The following RALGDS variants were observed in gnomAD, a reference collection of about 807,000 sequenced individuals.
The protein encoded by RALGDS is ral guanine nucleotide dissociation stimulator.
A neutral mutation model predicts 99.8 loss-of-function variants in RALGDS; 44 were observed. That is an observed-to-expected ratio of 0.44 (90% CI 0.35 to 0.57). The LOEUF (loss-of-function observed/expected upper bound fraction) is 0.57. Among genes scored for constraint, RALGDS ranks in the 20% least tolerant of loss-of-function variants. The probability of loss-of-function intolerance (pLI) is 0.01; values close to 1 mark genes in which losing one functional copy is unlikely to be tolerated. For synonymous variants in RALGDS, 529 were observed against 505.0 expected (o/e 1.05, Z -0.64); for missense variants, 1,022 against 1,203.1 (o/e 0.85, Z 2.23).
intron 14 of RALGDS, 89 bp from the exon 15 acceptor site, chr9:133,102,228 A>C (rs562487277): frequency 3.6e-6 from 5 of 1,398,142 alleles, no homozygotes; most frequent in Non-Finnish European, 4.9e-6. Context: ...AGGACTGTGC[A>C]AAGTGCTGGG....
intron 2 of RALGDS, 108 bp downstream of exon 2, chr9:133,111,934 G>A: frequency 1.2e-6 from 1 of 827,716 alleles, no homozygotes; most frequent in East Asian, 2.7e-5. Context: ...GGTCGGGAAG[G>A]GAGTGAAGGC....
At chr9:133,125,293 A>G (rs1832113589), upstream of RALGDS, among the ~76,000 whole-genome samples, 1 of 152,218 alleles carries the variant, frequency 6.6e-6, no homozygotes, top group Non-Finnish European at 1.5e-5. Flanking sequence ...CCTGGGATTC[A>G]TGTAAACATC....
chr9:133,136,991 T>C (rs1033679965), intron 1 of RALGDS, among the ~76,000 whole-genome samples: 37 of 150,924 alleles, frequency 2.5e-4, no homozygotes, highest in Non-Finnish European at 7.4e-5. Context: ...TCCCAGCACT[T>C]TGGGAGGCCG....
intron 1 of RALGDS, among the ~76,000 whole-genome samples, chr9:133,136,363 C>T (rs1337674572): frequency 2.0e-5 from 3 of 152,146 alleles, no homozygotes; most frequent in Non-Finnish European, 4.4e-5. Flanking sequence ...CTTGGCCGGG[C>T]GCGGTGGCTC....
Position 133,100,283 on chromosome 9 carries a change from G to C in RALGDS, c.2554C>G (p.Leu852Val). The change falls in exon 17 of 18, where the codon CTC becomes GTC. Residue 852 changes from leucine to valine, a missense_variant. Leu to Val is a conservative substitution (Grantham distance 32). This residue lies in a region of RALGDS where 825 missense variants were observed against 994.5 expected (regional missense o/e 0.83). Coordinates refer to ENST00000372050, the MANE Select transcript of RALGDS (RefSeq NM_006266.4). ...TCTGACTTACTCCGGTCATCTGAGA[G>C]AATCTGCAGCAGCTCATAGTCCTCC... The part of the protein sequence containing the change: ...EPEDYELLQI[L>V]SDDRKLKIPE... 6.2e-7 allele frequency: 1 copy of C among 1,614,194 alleles called. No individual in the cohort carries two copies. Among genetic ancestry groups the C allele is most frequent in the Non-Finnish European group, 8.5e-7 (1 of 1,180,000 alleles).
chr9:133,128,090 C>T (rs913723635), intron 1 of RALGDS, among the ~76,000 whole-genome samples: 4 of 152,208 alleles, frequency 2.6e-5, no homozygotes, highest in South Asian at 2.1e-4. Context: ...GGGGGCCGCT[C>T]GGACAGCTGT....
At chr9:133,102,698 G>A (rs1007570775) in intron 13 of RALGDS, 81 bp downstream of exon 13, 1 of 1,602,230 alleles carries the variant, frequency 6.2e-7, no homozygotes, top group African/African-American at 1.3e-5. Context: ...GGCTGACCAT[G>A]GGTCATAGCT....
At chr9:133,128,998 C>T in intron 1 of RALGDS, 1 of 1,051,726 alleles carries the variant, frequency 9.5e-7, no homozygotes, top group South Asian at 1.7e-5. Context: ...GATGAAGACT[C>T]CCCTGTGAGT....
intron 1 of RALGDS, among the ~76,000 whole-genome samples, chr9:133,118,539 AAGG>A (rs1328417338): frequency 6.6e-6 from 1 of 151,954 alleles, no homozygotes; most frequent in Non-Finnish European, 1.5e-5. Flanking sequence ...TTGACCCCAA[AAGG>A]AGATGATGCA....
chr9:133,103,578 C>T (rs1830864116), intron 11 of RALGDS, 169 bp downstream of exon 11: 1 of 786,444 alleles, frequency 1.3e-6, no homozygotes, highest in African/African-American at 1.7e-5. Flanking sequence ...GGCTGTGTCC[C>T]ACTCAGCCAA....
At chr9:133,133,859 G>A (rs1034907072), upstream of RALGDS, among the ~76,000 whole-genome samples, 1 of 152,216 alleles carries the variant, frequency 6.6e-6, no homozygotes, top group African/African-American at 2.4e-5. Context: ...CCCTGGCTGG[G>A]TGTGAGGCCC....
At chr9:133,102,318 G>A (rs1440149578) in intron 14 of RALGDS, among the ~76,000 whole-genome samples, 158 bp downstream of exon 14, 2 of 152,158 alleles carry the variant, frequency 1.3e-5, no homozygotes, top group Admixed American at 1.3e-4. Flanking sequence ...AGGAAACTGA[G>A]GCCCAAAAAG....
At chr9:133,130,732 G>A (rs1312423339) in intron 1 of RALGDS, among the ~76,000 whole-genome samples, 1 of 152,116 alleles carries the variant, frequency 6.6e-6, no homozygotes, top group Non-Finnish European at 1.5e-5. Flanking sequence ...GCCATCAGAC[G>A]CATCCAACAC....
upstream of RALGDS, among the ~76,000 whole-genome samples, chr9:133,132,802 G>A (rs1832362708): frequency 6.6e-6 from 1 of 152,166 alleles, no homozygotes; most frequent in South Asian, 2.1e-4. Context: ...ACCACGCCCA[G>A]CTAATTTTTG....
At chr9:133,147,621 G>A (rs1832645345) in intron 1 of RALGDS, among the ~76,000 whole-genome samples, 1 of 152,198 alleles carries the variant, frequency 6.6e-6, no homozygotes, top group Non-Finnish European at 1.5e-5. Flanking sequence ...GGGTCCCCCA[G>A]AGGGACCCTG....
At chr9:133,106,944 C>T in intron 7 of RALGDS, 141 bp downstream of exon 7, 2 of 1,003,112 alleles carry the variant, frequency 2.0e-6, no homozygotes, top group Non-Finnish European at 1.5e-6. Flanking sequence ...ACGTGAGCAT[C>T]CAGGCAGTGG....
chr9:133,110,253 G>A (rs188506829), intron 3 of RALGDS, 43 bp downstream of exon 3: 17 of 1,575,050 alleles, frequency 1.1e-5, no homozygotes, highest in African/African-American at 2.7e-5. Flanking sequence ...GGGTGGGGGC[G>A]AGGGCCCCTG....
rs1830599363 is a variant in RALGDS at position 133,098,566 on chromosome 9, C to A, written c.*21G>T. 6.2e-7 allele frequency: 1 copy of A among 1,613,224 alleles called. No homozygotes were observed. Among genetic ancestry groups the A allele is most frequent in the Admixed American group, 1.7e-5 (1 of 59,994 alleles). ...CCATAAGTGCTTGGCTACCAGCCAG[C>A]CAGACCCTGGGAGGATGCCCTCAGA... On this transcript the variant is annotated 3_prime_UTR_variant, in exon 18 of 18. Transcript: ENST00000372050.
intron 5 of RALGDS, 127 bp from the exon 6 acceptor site, chr9:133,108,533 C>T: frequency 7.1e-7 from 1 of 1,406,460 alleles, no homozygotes; most frequent in Non-Finnish European, 9.8e-7. Context: ...GGCCACTCTC[C>T]TGCCTGTGGT....
Sources: allele counts gnomAD v4.1 joint callset (sites outside exome capture counted in the v4.1 genomes callset), GRCh38; gene constraint gnomAD v4.1.1; regional missense constraint gnomAD v4.1.1; transcripts MANE v1.5; gene names NCBI Gene and HGNC (gene_info 2026-07-23, HGNC 2026-07-21).